ITGA9: variants seen among roughly 807,000 people sequenced by gnomAD.
ITGA9 encodes the protein integrin subunit alpha 9.
A neutral mutation model predicts 127.8 loss-of-function variants in ITGA9; 56 were observed. The ratio of observed to expected loss-of-function variants is 0.44; its 90% CI spans 0.35 to 0.55. The LOEUF is 0.55. Ranked by LOEUF, ITGA9 falls within the 20% of genes least tolerant of loss-of-function variation. The pLI is 0.00. For missense variants in ITGA9, 1,196 were observed against 1,347.1 expected (o/e 0.89, Z 1.76); for synonymous variants, 508 against 514.5 (o/e 0.99, Z 0.17).
chr3:37,719,687 C>T (rs1049862745), intron 18 of ITGA9, among the ~76,000 whole-genome samples: 2 of 152,028 alleles, frequency 1.3e-5, no homozygotes, highest in Non-Finnish European at 2.9e-5. Flanking sequence ...AGTTAACGTC[C>T]CCAGTACAGT....
At chr3:37,535,266 G>A (rs990556642) in intron 14 of ITGA9, among the ~76,000 whole-genome samples, 1 of 152,248 alleles carries the variant, frequency 6.6e-6, no homozygotes, top group Non-Finnish European at 1.5e-5. Context: ...ACTTATCGCT[G>A]TTGTGAAAGT....
intron 9 of ITGA9, 107 bp from the exon 10 acceptor site, chr3:37,517,397 G>C: frequency 1.2e-6 from 1 of 850,868 alleles, no homozygotes; most frequent in Non-Finnish European, 1.9e-6. Context: ...GTCAATGAGT[G>C]TGCTCTAGCA....
At chr3:37,670,761 G>A (rs1249746530) in intron 17 of ITGA9, among the ~76,000 whole-genome samples, 1 of 151,976 alleles carries the variant, frequency 6.6e-6, no homozygotes, top group Middle Eastern at 3.2e-3. Flanking sequence ...TTCCCATAGG[G>A]CTACCTCACC....
intron 17 of ITGA9, among the ~76,000 whole-genome samples, chr3:37,658,129 T>A (rs185862312): frequency 6.6e-6 from 1 of 152,342 alleles, no homozygotes; most frequent in African/African-American, 2.4e-5. Context: ...AATTTTAGAA[T>A]AAGTGTGATG....
intron 22 of ITGA9, chr3:37,749,298 A>G (rs1240625389): frequency 6.3e-6 from 1 of 159,530 alleles, no homozygotes; most frequent in African/African-American, 2.4e-5. Flanking sequence ...TTCCCTATAT[A>G]AGGACTCTTG....
chr3:37,705,489 G>A (rs931995859), intron 18 of ITGA9, among the ~76,000 whole-genome samples: 1 of 152,186 alleles, frequency 6.6e-6, no homozygotes, highest in African/African-American at 2.4e-5. Flanking sequence ...TTTGGTCCTT[G>A]TTTAAGAAAA....
At chr3:37,581,721 TC>T (rs750845660) in intron 15 of ITGA9, among the ~76,000 whole-genome samples, 12 of 152,182 alleles carry the variant, frequency 7.9e-5, no homozygotes, top group African/African-American at 2.9e-4. Context: ...TTCGGTGCCC[TC>T]CCTGCAGCCG....
At chr3:37,632,021 A>G (rs1158663665) in intron 16 of ITGA9, among the ~76,000 whole-genome samples, 1 of 152,214 alleles carries the variant, frequency 6.6e-6, no homozygotes, top group Admixed American at 6.5e-5. Flanking sequence ...AAACACTTTC[A>G]CAGATTTTCT....
In ITGA9 at chr3:37,785,555, C is replaced by G. The variant is rs114706824; in HGVS notation, c.2889+477C>G. Among the ~76,000 whole-genome samples, 1,380 of 152,272 alleles carry G rather than the reference C, an allele frequency of 9.1e-3. 22 individuals carry two copies. Among genetic ancestry groups the G allele is most frequent in the African/African-American group, 0.031 (1,296 of 41,556 alleles). On this transcript the variant is annotated intron_variant, in intron 26 of 27. Transcript: ENST00000264741. ...GGTGTGCAGTCATAACTCCCTGTAG[C>G]CTTGAATACCTGGCCTCAAGGGATC...
At chr3:37,603,309 AATAAAGT>A (rs1699938854) in intron 15 of ITGA9, among the ~76,000 whole-genome samples, 1 of 152,244 alleles carries the variant, frequency 6.6e-6, no homozygotes, top group South Asian at 2.1e-4. Flanking sequence ...TTTCCTAAAC[AATAAAGT>A]ATAGCAATGA....
chr3:37,511,524 G>A (rs563742959), intron 8 of ITGA9, among the ~76,000 whole-genome samples: 11 of 152,292 alleles, frequency 7.2e-5, no homozygotes, highest in African/African-American at 2.6e-4. Context: ...AGTTCCCCTG[G>A]GGCTCAGCCA....
intron 16 of ITGA9, among the ~76,000 whole-genome samples, chr3:37,636,663 T>G (rs1404354282): frequency 1.3e-5 from 2 of 152,264 alleles, no homozygotes; most frequent in East Asian, 1.9e-4. Flanking sequence ...AATTTTGGCT[T>G]ATGTTGCCAT....
At chr3:37,612,255 A>G (rs191319289) in intron 15 of ITGA9, among the ~76,000 whole-genome samples, 1 of 152,324 alleles carries the variant, frequency 6.6e-6, no homozygotes, top group East Asian at 1.9e-4. Context: ...ATCCTTTCTC[A>G]GAATATGCTT....
At chr3:37,683,835 G>A (rs1451672629) in intron 17 of ITGA9, 30 bp from the exon 18 acceptor site, 3 of 1,612,470 alleles carry the variant, frequency 1.9e-6, no homozygotes, top group Non-Finnish European at 2.5e-6. Context: ...AGGCCTCAGG[G>A]CATTCATTGC....
chr3:37,616,356 A>ACATTTGCTG (rs1700074452), intron 15 of ITGA9, among the ~76,000 whole-genome samples: 1 of 152,150 alleles, frequency 6.6e-6, no homozygotes. Flanking sequence ...CTGTTCTTTT[A>ACATTTGCTG]CATTTGCTGA....
In ITGA9 at chr3:37,684,053, A is replaced by G. The variant is rs200540601; in HGVS notation, c.2067+38A>G. Reference sequence around the variant, plus strand: ...TCCCTGTAAAAAGAGCAGTTGTTCCATCTGGTGCGCTTGCTGACTTTCATT... The same window carrying G: ...TCCCTGTAAAAAGAGCAGTTGTTCCGTCTGGTGCGCTTGCTGACTTTCATT... On this transcript the variant is annotated intron_variant, in intron 18 of 27. Coordinates refer to ENST00000264741, the MANE Select transcript of ITGA9 (RefSeq NM_002207.3). 12 of 1,582,506 alleles carry G rather than the reference A, an allele frequency of 7.6e-6. No homozygotes were observed. In the African/African-American group the frequency reaches 1.6e-4, roughly 21 times the overall value.
intron 15 of ITGA9, among the ~76,000 whole-genome samples, chr3:37,571,672 C>G (rs778980564): frequency 6.6e-6 from 1 of 152,114 alleles, no homozygotes; most frequent in African/African-American, 2.4e-5. Flanking sequence ...ATTGATGCTG[C>G]TGGTCCTGGG....
intron 27 of ITGA9, among the ~76,000 whole-genome samples, chr3:37,810,472 G>T (rs1484735783): frequency 6.6e-6 from 1 of 151,564 alleles, no homozygotes; most frequent in Non-Finnish European, 1.5e-5. Context: ...CTGGAGTGCA[G>T]TGGTGCAGTC....
At chr3:37,789,413 C>G (rs548597411) in intron 26 of ITGA9, among the ~76,000 whole-genome samples, 2 of 152,062 alleles carry the variant, frequency 1.3e-5, no homozygotes, top group Non-Finnish European at 1.5e-5. Flanking sequence ...TAAAAGAAAA[C>G]AAAATATATT....
Sources: gnomAD v4.1 joint callset for allele counts (sites outside exome capture counted in the v4.1 genomes callset) on GRCh38, gnomAD v4.1.1 for gene constraint, MANE v1.5 for transcripts, NCBI Gene and HGNC (gene_info 2026-07-23, HGNC 2026-07-21) for gene names.